The following GINS3 variants were observed in gnomAD, a reference collection of about 807,000 sequenced individuals.
GINS3 encodes the protein DNA replication complex GINS protein PSF3.
Under a neutral mutation model 20.0 loss-of-function variants are expected in GINS3, and 18 were observed. That is an observed-to-expected ratio of 0.90 (90% CI 0.62 to 1.33). The LOEUF is 1.33. Ranked by LOEUF, GINS3 falls within the 40% of genes most tolerant of loss-of-function variation. GINS3 has a pLI of 0.00. For missense variants in GINS3, 254 were observed against 273.6 expected (o/e 0.93, Z 0.51); for synonymous variants, 109 against 107.0 (o/e 1.02, Z -0.12).
rs3833044 is a variant in GINS3, at chr16:58,403,494, T to TACACAC, written c.420+185_420+190dup. 466 of 558,148 alleles carry TACACAC rather than the reference T, an allele frequency of 8.3e-4. 3 individuals carry two copies. The highest frequency in any genetic ancestry group is 5.9e-3 in the African/African-American group (305 of 52,026). The allele number at this position is 558,148 out of a possible 1,614,324, so 34.6% of individuals were successfully genotyped here. A position where few individuals can be genotyped will look rare whatever the true frequency, so the allele number is the denominator to read the frequency against. On this transcript the variant is annotated intron_variant, in intron 2 of 2. Coordinates refer to ENST00000318129, the MANE Select transcript of GINS3 (RefSeq NM_022770.4). ...TGTCCATTTTATATATTTACATATATACACACACACACACACACACACACA... is the reference window on the plus strand; with the variant it reads ...TGTCCATTTTATATATTTACATATATACACACACACACACACACACACACACACACA...
chr16:58,392,519 C>G lies in GINS3; in HGVS notation c.-83C>G. ...TGACCCCAACCATCCTGCCCAGTCT[C>G]CGCTTCCCCGTCTTGTACACCCCTA... On this transcript the variant is annotated 5_prime_UTR_variant, in exon 1 of 3. Transcript: ENST00000318129. 1 of 1,474,582 alleles carries G rather than the reference C, an allele frequency of 6.8e-7. No individual in the cohort carries two copies. The highest frequency in any genetic ancestry group is 1.3e-5 in the South Asian group (1 of 78,976). The allele number at this position is 1,474,582 out of a possible 1,614,324, so 91.3% of individuals were successfully genotyped here.
chr16:58,403,284 C>T lies in GINS3; in HGVS notation c.373C>T (p.His125Tyr). Residue 125 changes from histidine (H) to tyrosine (Y), a missense_variant, in exon 2 of 3, where the codon CAT becomes TAT. Physicochemically the swap from His to Tyr is moderately conservative, Grantham distance 83. Coordinates refer to ENST00000318129, the MANE Select transcript of GINS3 (RefSeq NM_022770.4). The stretch of plus-strand genomic sequence containing the variant: ...CTACGGGTTTGGCTCCCAGCTCCTG[C>T]ATTTTGACAGTCCCGAGAATGCAGA... ...HFYGFGSQLL[H>Y]FDSPENADIS... 1 of 1,614,120 alleles carries T rather than the reference C, an allele frequency of 6.2e-7. No individual in the cohort carries two copies.
intron 1 of GINS3, among the ~76,000 whole-genome samples, chr16:58,393,019 C>T (rs1220035594): frequency 6.6e-6 from 1 of 152,198 alleles, no homozygotes; most frequent in Non-Finnish European, 1.5e-5. Context: ...TATCCTAGGT[C>T]GCCAGGCAGC....
chr16:58,392,516 T>C lies in GINS3; in HGVS notation c.-86T>C, dbSNP rs977465020. ...TCCTGACCCCAACCATCCTGCCCAG[T>C]CTCCGCTTCCCCGTCTTGTACACCC... On this transcript the variant is annotated 5_prime_UTR_variant, in exon 1 of 3. Transcript: ENST00000318129. 2 of 1,448,166 alleles carry C rather than the reference T, an allele frequency of 1.4e-6. No homozygotes were observed. Among genetic ancestry groups the C allele is most frequent in the East Asian group, 4.6e-5 (2 of 43,670 alleles). The allele number at this position is 1,448,166 out of a possible 1,614,324, so 89.7% of individuals were successfully genotyped here.
At chr16:58,396,642 G>A (rs1965870061) in intron 1 of GINS3, among the ~76,000 whole-genome samples, 1 of 101,906 alleles carries the variant, frequency 9.8e-6, no homozygotes, top group South Asian at 3.7e-4. Flanking sequence ...CTTCCCGGAC[G>A]GGGCGGCTGG....
chr16:58,395,937 C>A (rs1019691348), intron 1 of GINS3, among the ~76,000 whole-genome samples: 8 of 149,988 alleles, frequency 5.3e-5, no homozygotes, highest in African/African-American at 2.0e-4. Context: ...ACCTCCCGGA[C>A]GGGGCGGCTG....
intron 1 of GINS3, among the ~76,000 whole-genome samples, chr16:58,397,732 G>A (rs1033261564): frequency 6.6e-6 from 1 of 152,268 alleles, no homozygotes; most frequent in South Asian, 2.1e-4. Context: ...AGGCAGGGAG[G>A]TTGCAGTGAG....
intron 1 of GINS3, among the ~76,000 whole-genome samples, chr16:58,401,995 C>T (rs375342116): frequency 6.6e-6 from 1 of 152,086 alleles, no homozygotes; most frequent in Non-Finnish European, 1.5e-5. Context: ...CTCAATCTAT[C>T]GCTCCTGCCC....
At chr16:58,393,529 T>G (rs915647795) in intron 1 of GINS3, 1 of 152,236 alleles carries the variant, frequency 6.6e-6, no homozygotes, top group Non-Finnish European at 1.5e-5. Context: ...TTTATCAAAG[T>G]AATACATAAC....
intron 1 of GINS3, among the ~76,000 whole-genome samples, chr16:58,395,941 GCGGCTGGCTGGGCGGGGGGCTGGCCCCCC>G (rs1965849023): frequency 6.6e-6 from 1 of 150,810 alleles, no homozygotes; most frequent in African/African-American, 2.4e-5. Flanking sequence ...CCCGGACGGG[GCGGCTGGCTGGGCGGGGGGCTGGCCCCCC>G]CACCTCCCTC....
rs1240326969 is a variant in GINS3 at position 58,404,960 on chromosome 16, C to T, written c.*231C>T. ...TGACCCACAGCCCAGGCCCTTTAAC[C>T]CAAGAACCCATGGCCAAGGAGAAAT... On this transcript the variant is annotated 3_prime_UTR_variant, in exon 3 of 3. Transcript: ENST00000318129. 3.9e-6 allele frequency: 2 copies of T among 507,978 alleles called. No homozygotes were observed. The highest frequency in any genetic ancestry group is 3.3e-5 in the East Asian group (1 of 30,582). 31.5% of individuals were successfully genotyped at this position (507,978 alleles called of 1,614,324 possible).
chr16:58,396,766 A>AC (rs1283622471), intron 1 of GINS3, among the ~76,000 whole-genome samples: 8 of 96,928 alleles, frequency 8.3e-5, no homozygotes, highest in East Asian at 3.3e-4. Context: ...CGGGGGGCTG[A>AC]CCCCCCCACC....
intron 1 of GINS3, among the ~76,000 whole-genome samples, chr16:58,396,401 C>G (rs1459648602): frequency 2.4e-5 from 3 of 123,118 alleles, no homozygotes; most frequent in Non-Finnish European, 3.4e-5. Context: ...CTGACCCCCC[C>G]ACCTCCCTCC....
At chr16:58,396,174 C>T (rs1965853941) in intron 1 of GINS3, among the ~76,000 whole-genome samples, 1 of 130,716 alleles carries the variant, frequency 7.7e-6, no homozygotes, top group Non-Finnish European at 1.6e-5. Context: ...GGGCGGCTGG[C>T]CGGGCAGAGG....
chr16:58,396,462 C>T (rs1256694735), intron 1 of GINS3, among the ~76,000 whole-genome samples: 28 of 85,214 alleles, frequency 3.3e-4, no homozygotes, highest in Non-Finnish European at 4.0e-4. Context: ...CCAGTAGGGG[C>T]GGCCGGGCAG....
intron 1 of GINS3, among the ~76,000 whole-genome samples, chr16:58,393,202 G>A (rs1965806978): frequency 1.3e-5 from 2 of 152,190 alleles, no homozygotes; most frequent in South Asian, 2.1e-4. Flanking sequence ...TGATAAGTAG[G>A]AACCCCAAGT....
In GINS3 at chr16:58,404,736, G is replaced by A. The variant is rs752165811; in HGVS notation, c.*7G>A. The stretch of plus-strand genomic sequence containing the variant: ...CACTGATATGGAAGACTGAAAGCCG[G>A]AAGAACACAGAATGGCTCCTCACAG... On this transcript the variant is annotated 3_prime_UTR_variant, in exon 3 of 3. Coordinates refer to ENST00000318129, the MANE Select transcript of GINS3 (RefSeq NM_022770.4). 6.3e-7 allele frequency: 1 copy of A among 1,599,334 alleles called. No individual in the cohort carries two copies. Among genetic ancestry groups the A allele is most frequent in the Non-Finnish European group, 8.6e-7 (1 of 1,167,772 alleles).
At chr16:58,400,760 T>A (rs1005822054) in intron 1 of GINS3, among the ~76,000 whole-genome samples, 7 of 152,118 alleles carry the variant, frequency 4.6e-5, no homozygotes, top group African/African-American at 1.7e-4. Flanking sequence ...AAAAAAAAAA[T>A]TCCATTTCCA....
At chr16:58,402,985 C>A in intron 1 of GINS3, 113 bp from the exon 2 acceptor site, 1 of 795,418 alleles carries the variant, frequency 1.3e-6, no homozygotes, top group Non-Finnish European at 2.0e-6. Flanking sequence ...TTGACAGCCA[C>A]TCCCCCAAAG....
Sources: allele counts gnomAD v4.1 joint callset (sites outside exome capture counted in the v4.1 genomes callset), GRCh38; gene constraint gnomAD v4.1.1; transcripts MANE v1.5; gene names NCBI Gene and HGNC (gene_info 2026-07-23, HGNC 2026-07-21).